ROR2: variants seen among roughly 807,000 people sequenced by gnomAD.
ROR2 encodes the protein tyrosine-protein kinase transmembrane receptor ROR2.
A neutral mutation model predicts 74.9 loss-of-function variants in ROR2; 33 were observed. The ratio of observed to expected loss-of-function variants is 0.44; its 90% CI spans 0.33 to 0.59. ROR2 has a LOEUF of 0.59. Among genes scored for constraint, ROR2 ranks in the 20% least tolerant of loss-of-function variants. The pLI is 0.02. For missense variants in ROR2, 1,216 were observed against 1,313.8 expected (o/e 0.93, Z 1.15); for synonymous variants, 586 against 558.7 (o/e 1.05, Z -0.69).
At chr9:91,929,092 T>C (rs1831484610) in intron 1 of ROR2, among the ~76,000 whole-genome samples, 1 of 152,236 alleles carries the variant, frequency 6.6e-6, no homozygotes, top group South Asian at 2.1e-4. Flanking sequence ...ATTTGACTTT[T>C]TGTGGCTCCA....
chr9:91,816,272 G>A (rs990471353), intron 1 of ROR2, among the ~76,000 whole-genome samples: 1 of 152,216 alleles, frequency 6.6e-6, no homozygotes, highest in East Asian at 1.9e-4. Context: ...CACAGCCACA[G>A]GAGACCCTTC....
rs121909086 is a variant in ROR2, at chr9:91,737,400, G to T, written c.613C>A (p.Arg205=). ...GGTCTGCAGCTCCTACCTGTGATTCGGTTTTCAATCTCCCCCTGCATCTGA... is the reference window on the plus strand; with the variant it reads ...GGTCTGCAGCTCCTACCTGTGATTCTGTTTTCAATCTCCCCCTGCATCTGA... The part of the protein sequence containing the change: ...SLQMQGEIEN[R]ITAAFTMIGT... Residue 205 remains arginine, a synonymous_variant, in exon 5 of 9, where the codon CGA becomes AGA. Transcript: ENST00000375708. The T allele has an allele frequency of 1.2e-6, 2 of 1,614,104 alleles. No individual in the cohort carries two copies. The highest frequency in any genetic ancestry group is 1.7e-6 in the Non-Finnish European group (2 of 1,180,022).
At position 91,723,687 on chromosome 9, in the gene ROR2, T is replaced by TGTGGGA; in HGVS notation, c.2806_2807insTCCCAC (p.Glu936delinsValProGln). The stretch of plus-strand genomic sequence containing the variant: ...TCAAGCTTCCAGCTGGACTTGGGCC[T>TGTGGGA]CGTCCACCTGCAGAGTGTCACAGTC... On this transcript the variant is annotated protein_altering_variant, in exon 9 of 9. Transcript: ENST00000375708. The TGTGGGA allele has an allele frequency of 6.2e-7, 1 of 1,613,838 alleles. No individual in the cohort carries two copies.
intron 1 of ROR2, among the ~76,000 whole-genome samples, chr9:91,784,925 G>A (rs1260493311): frequency 6.6e-6 from 1 of 152,132 alleles, no homozygotes; most frequent in East Asian, 1.9e-4. Context: ...TGTGCTCACT[G>A]CCAGCCCCAG....
At chr9:91,839,345 GA>G (rs1286153538) in intron 1 of ROR2, among the ~76,000 whole-genome samples, 7 of 146,756 alleles carry the variant, frequency 4.8e-5, no homozygotes, top group Non-Finnish European at 3.0e-5. Context: ...ATGAATGTGG[GA>G]GGGGTGTGTC....
At chr9:91,946,470 G>A (rs1823170733) in intron 1 of ROR2, among the ~76,000 whole-genome samples, 1 of 152,206 alleles carries the variant, frequency 6.6e-6, no homozygotes, top group South Asian at 2.1e-4. Flanking sequence ...AGGAGGAGGA[G>A]GGAGTCCTTC....
chr9:91,902,673 A>C (rs967847443), intron 1 of ROR2, among the ~76,000 whole-genome samples: 5 of 152,210 alleles, frequency 3.3e-5, no homozygotes, highest in Admixed American at 3.3e-4. Context: ...CAAGAAAGGG[A>C]CACTGTTAAG....
chr9:91,865,471 G>A (rs1243436910), intron 1 of ROR2, among the ~76,000 whole-genome samples: 1 of 152,174 alleles, frequency 6.6e-6, no homozygotes, highest in Non-Finnish European at 1.5e-5. Context: ...CATTGGCTTT[G>A]TAGGAGTCAA....
chr9:91,895,014 G>C (rs956485801), intron 1 of ROR2, among the ~76,000 whole-genome samples: 4 of 152,186 alleles, frequency 2.6e-5, no homozygotes, highest in Admixed American at 2.6e-4. Context: ...CCAAAACTTG[G>C]AAGCAGATGT....
At chr9:91,805,290 G>A (rs1000632247) in intron 1 of ROR2, among the ~76,000 whole-genome samples, 3 of 152,212 alleles carry the variant, frequency 2.0e-5, no homozygotes, top group African/African-American at 7.2e-5. Flanking sequence ...TAGGGGCAGG[G>A]GAGAACAGAT....
At chr9:91,789,880 A>G (rs1172282715) in intron 1 of ROR2, among the ~76,000 whole-genome samples, 2 of 152,192 alleles carry the variant, frequency 1.3e-5, no homozygotes, top group East Asian at 3.8e-4. Context: ...CAAAACACCA[A>G]GACTGGCAGA....
chr9:91,793,644 C>G (rs1006310683), intron 1 of ROR2, among the ~76,000 whole-genome samples: 1 of 151,826 alleles, frequency 6.6e-6, no homozygotes, highest in Non-Finnish European at 1.5e-5. Context: ...TGCCTGTAAT[C>G]CCAGCTACTC....
chr9:91,927,052 C>T lies in ROR2; in HGVS notation c.97+22815G>A, dbSNP rs560183821. ...AAATTTTAAAAAGAAAAAAATAACA[C>T]GTTTTTTATAAGAAGTGTTATATCA... is the stretch of plus-strand genomic sequence containing the variant. On this transcript the variant is annotated intron_variant, in intron 1 of 8. Coordinates refer to ENST00000375708, the MANE Select transcript of ROR2 (RefSeq NM_004560.4). Among the ~76,000 whole-genome samples, 5 of 146,326 alleles carry T rather than the reference C, an allele frequency of 3.4e-5. No homozygotes were observed. The East Asian group carries it at 7.9e-4, about 23-fold the overall frequency.
Position 91,724,425 on chromosome 9 carries a change from A to G in ROR2, c.2069T>C (p.Leu690Pro). 1 of 1,614,184 alleles carries G rather than the reference A, an allele frequency of 6.2e-7. No individual in the cohort carries two copies. The highest frequency in any genetic ancestry group is 8.5e-7 in the Non-Finnish European group (1 of 1,180,018). ...GTTGGAGTACCCGCAGTAGGGCTGCAGGCCGTAGCTGAAGACCTCCCACAG... is the reference window on the plus strand; with the variant it reads ...GTTGGAGTACCCGCAGTAGGGCTGCGGGCCGTAGCTGAAGACCTCCCACAG... ...VVLWEVFSYG[L>P]QPYCGYSNQD... The change falls in exon 9 of 9, where the codon CTG (leucine) becomes CCG (proline). Residue 690 changes from leucine to proline, a missense_variant. By Grantham distance (98) the Leu-to-Pro change is moderately conservative. Coordinates refer to ENST00000375708, the MANE Select transcript of ROR2 (RefSeq NM_004560.4).
At chr9:91,848,186 A>T (rs1422499097) in intron 1 of ROR2, among the ~76,000 whole-genome samples, 2 of 152,222 alleles carry the variant, frequency 1.3e-5, no homozygotes, top group African/African-American at 4.8e-5. Flanking sequence ...TGCCAGTCCT[A>T]ATCAAGACAG....
At chr9:91,845,702 C>T (rs962523144) in intron 1 of ROR2, among the ~76,000 whole-genome samples, 3 of 151,472 alleles carry the variant, frequency 2.0e-5, no homozygotes, top group East Asian at 1.9e-4. Flanking sequence ...GCCAACATGG[C>T]GAAACCCCAT....
intron 1 of ROR2, among the ~76,000 whole-genome samples, chr9:91,781,478 T>A (rs1039480703): frequency 3.3e-5 from 5 of 152,182 alleles, no homozygotes; most frequent in Admixed American, 3.3e-4. Flanking sequence ...GAGCAGCGTA[T>A]AAAGTCCCGA....
intron 1 of ROR2, among the ~76,000 whole-genome samples, chr9:91,860,522 C>T (rs995729871): frequency 5.9e-5 from 9 of 152,220 alleles, no homozygotes; most frequent in African/African-American, 2.2e-4. Flanking sequence ...TCACAGCGAT[C>T]ATGGAGGCTG....
chr9:91,948,544 A>C lies in ROR2; in HGVS notation c.97+1323T>G, dbSNP rs1337528400. 3.1e-6 allele frequency: 3 copies of C among 981,350 alleles called. No individual in the cohort carries two copies. In the East Asian group the frequency reaches 3.4e-4, roughly 112 times the overall value. 60.8% of individuals were successfully genotyped at this position (981,350 alleles called of 1,614,324 possible). On this transcript the variant is annotated intron_variant, in intron 1 of 8. Coordinates refer to ENST00000375708, the MANE Select transcript of ROR2 (RefSeq NM_004560.4). ...GTAATTAGGAATGTCTGACGTAATC[A>C]ACATCTGCTTAAACTAAAACCCCCC...
Sources: gnomAD v4.1 joint callset for allele counts (sites outside exome capture counted in the v4.1 genomes callset) on GRCh38, gnomAD v4.1.1 for gene constraint, MANE v1.5 for transcripts, NCBI Gene and HGNC (gene_info 2026-07-23, HGNC 2026-07-21) for gene names.